The following OTUD7A variants were observed in gnomAD, a reference collection of about 807,000 sequenced individuals.
OTUD7A encodes OTU domain-containing protein 7A.
Under a neutral mutation model 65.7 loss-of-function variants are expected in OTUD7A, and 12 were observed. The ratio of observed to expected loss-of-function variants is 0.18; its 90% CI spans 0.12 to 0.30. The LOEUF (loss-of-function observed/expected upper bound fraction) is 0.30, where lower values mean the gene tolerates loss of function less well. Ranked by LOEUF, OTUD7A falls within the 10% of genes least tolerant of loss-of-function variation. The pLI, the probability that OTUD7A is intolerant of heterozygous loss-of-function variation, is 1.00. For missense variants in OTUD7A, 1,148 were observed against 1,304.8 expected, an observed-to-expected ratio of 0.88 and a Z score of 1.85; for synonymous variants, 641 against 586.3, an observed-to-expected ratio of 1.09 and a Z score of -1.35.
At chr15:31,683,947 C>A (rs1004627398) in intron 1 of OTUD7A, among the ~76,000 whole-genome samples, 1 of 152,220 alleles carries the variant, frequency 6.6e-6, no homozygotes, top group African/African-American at 2.4e-5. Context: ...TGTCCACACT[C>A]CCCTGAGGAA....
At chr15:31,697,385 G>A (rs937283293) in intron 1 of OTUD7A, among the ~76,000 whole-genome samples, 1 of 144,194 alleles carries the variant, frequency 6.9e-6, no homozygotes, top group Admixed American at 7.0e-5. Flanking sequence ...CAATCACCCT[G>A]TTAATCTGTT....
rs1299534271 is a variant in OTUD7A, at chr15:31,631,860, C to T, written c.151+23236G>A. On this transcript the variant is annotated intron_variant, in intron 3 of 12. Coordinates refer to ENST00000307050, the MANE Select transcript of OTUD7A (RefSeq NM_001382637.1). The stretch of plus-strand genomic sequence containing the variant: ...CATTTCATCTTCCATCACTGATACC[C>T]TTTCTTCCAGTTGATTGCATCGGCT... 3.1e-4 allele frequency among the ~76,000 whole-genome samples: 47 copies of T among 152,196 alleles called. 1 individual carries two copies. Among genetic ancestry groups the T allele is most frequent in the Non-Finnish European group, 7.3e-5 (5 of 68,046 alleles).
chr15:31,592,057 C>T (rs188408742), intron 3 of OTUD7A, among the ~76,000 whole-genome samples: 125 of 152,296 alleles, frequency 8.2e-4, no homozygotes, highest in African/African-American at 2.8e-3. Context: ...TACACCTGCA[C>T]AGGGCACTTA....
chr15:31,864,577 C>G (rs559942224), intron 1 of OTUD7A, among the ~76,000 whole-genome samples: 1 of 152,182 alleles, frequency 6.6e-6, no homozygotes, highest in South Asian at 2.1e-4. Flanking sequence ...AAAGACCAGC[C>G]CCATGATTCA....
chr15:31,763,994 A>G (rs1357562369), intron 1 of OTUD7A, among the ~76,000 whole-genome samples: 3 of 152,212 alleles, frequency 2.0e-5, no homozygotes, highest in Non-Finnish European at 4.4e-5. Flanking sequence ...AATGAAGAGA[A>G]TTAGTCAATG....
intron 1 of OTUD7A, among the ~76,000 whole-genome samples, chr15:31,860,626 T>A (rs5005225): frequency 0.19 from 2,844 of 14,766 alleles, 59 homozygotes; most frequent in East Asian, 0.51. Context: ...AGTGGAGATA[T>A]ATATATATAT....
chr15:31,606,023 A>G (rs1324557172), intron 3 of OTUD7A, among the ~76,000 whole-genome samples: 1 of 152,192 alleles, frequency 6.6e-6, no homozygotes, highest in Non-Finnish European at 1.5e-5. Flanking sequence ...ATTATTAAAA[A>G]CAAACCTAAT....
chr15:31,819,405 T>G (rs1000216633), intron 1 of OTUD7A, among the ~76,000 whole-genome samples: 4 of 152,144 alleles, frequency 2.6e-5, no homozygotes, highest in Middle Eastern at 3.2e-3. Context: ...AAGTCTAAAA[T>G]TATCTAAAAA....
Position 31,569,954 on chromosome 15 carries a change from C to A in OTUD7A, c.331+64G>T. On this transcript the variant is annotated intron_variant, in intron 4 of 12. Coordinates refer to ENST00000307050, the MANE Select transcript of OTUD7A (RefSeq NM_001382637.1). ...CCCACCATTCTTTGTACCACGCAAC[C>A]CGCCTGCAAGCTGCGGTGCACTGGC... 1.9e-6 allele frequency: 3 copies of A among 1,574,444 alleles called. No homozygotes were observed. In the East Asian group the frequency reaches 6.7e-5, roughly 35 times the overall value.
chr15:31,481,241 T>C lies in OTUD7A; in HGVS notation c.*2053A>G, dbSNP rs1459711906. On this transcript the variant is annotated 3_prime_UTR_variant, in exon 13 of 13. Coordinates refer to ENST00000307050, the MANE Select transcript of OTUD7A (RefSeq NM_001382637.1). ...ATCTTGTGCATATGAGTTTGGTTTC[T>C]GAATGGATTATTGGAGCATTTTTAA... is the stretch of plus-strand genomic sequence containing the variant. 1 of 152,246 alleles carries C rather than the reference T, an allele frequency of 6.6e-6. No homozygotes were observed. Among genetic ancestry groups the C allele is most frequent in the African/African-American group, 2.4e-5 (1 of 41,460 alleles). The allele number at this position is 152,246 out of a possible 1,614,324, so 9.4% of individuals were successfully genotyped here.
chr15:31,553,773 A>G (rs1476143928), intron 5 of OTUD7A, among the ~76,000 whole-genome samples: 1 of 147,160 alleles, frequency 6.8e-6, no homozygotes, highest in Non-Finnish European at 1.5e-5. Flanking sequence ...CTGCACTACC[A>G]CCCCCACGAC....
Position 31,649,817 on chromosome 15 carries a change from A to G in OTUD7A, c.151+5279T>C, listed in dbSNP as rs1444624014. 5 of 419,954 alleles carry G rather than the reference A, an allele frequency of 1.2e-5. No homozygotes were observed. In the East Asian group the frequency reaches 3.0e-4, roughly 25 times the overall value. The allele number at this position is 419,954 out of a possible 1,614,324, so 26.0% of individuals were successfully genotyped here. A position where few individuals can be genotyped will look rare whatever the true frequency, so the allele number is the denominator to read the frequency against. Reference sequence around the variant, plus strand: ...GCGACCGGGCTCAGGAAGGTGGATCACAGTTGGAGGTGCTGATGCAGAAAG... The same window carrying G: ...GCGACCGGGCTCAGGAAGGTGGATCGCAGTTGGAGGTGCTGATGCAGAAAG... On this transcript the variant is annotated intron_variant, in intron 3 of 12. Coordinates refer to ENST00000307050, the MANE Select transcript of OTUD7A (RefSeq NM_001382637.1).
intron 1 of OTUD7A, among the ~76,000 whole-genome samples, chr15:31,798,013 T>C (rs1896017547): frequency 6.6e-6 from 1 of 152,166 alleles, no homozygotes; most frequent in Non-Finnish European, 1.5e-5. Flanking sequence ...CACTGCGTCT[T>C]CACATGGGCA....
chr15:31,756,135 G>A (rs1041961550), intron 1 of OTUD7A, among the ~76,000 whole-genome samples: 2 of 152,196 alleles, frequency 1.3e-5, no homozygotes, highest in Admixed American at 1.3e-4. Context: ...CAGCGCCTGT[G>A]GACACCTGCT....
intron 1 of OTUD7A, among the ~76,000 whole-genome samples, chr15:31,815,684 T>C (rs1359183960): frequency 6.6e-6 from 1 of 152,212 alleles, no homozygotes; most frequent in African/African-American, 2.4e-5. Context: ...GGCGGCAGGA[T>C]GGAGCCAGGC....
At chr15:31,731,128 T>A (rs939935927) in intron 1 of OTUD7A, among the ~76,000 whole-genome samples, 6 of 152,220 alleles carry the variant, frequency 3.9e-5, no homozygotes, top group African/African-American at 1.2e-4. Flanking sequence ...CTGTTTGATG[T>A]TTCAGTCAAA....
At chr15:31,870,137 C>T (rs1218668381) in intron 1 of OTUD7A, among the ~76,000 whole-genome samples, 10 of 149,920 alleles carry the variant, frequency 6.7e-5, no homozygotes, top group Non-Finnish European at 1.2e-4. Flanking sequence ...GGTCGGTCGC[C>T]CCACGCCTGG....
chr15:31,697,920 A>G (rs1893121685), intron 1 of OTUD7A, among the ~76,000 whole-genome samples: 1 of 152,204 alleles, frequency 6.6e-6, no homozygotes, highest in Non-Finnish European at 1.5e-5. Context: ...CAGCTCCTGA[A>G]GCCCCAGAGG....
Position 31,755,488 on chromosome 15 carries a change from G to A in OTUD7A, c.-99-98411C>T, listed in dbSNP as rs28590703. On this transcript the variant is annotated intron_variant, in intron 1 of 12. Transcript: ENST00000307050. ...TGTAATACCAGCACTTTGGGAGGCC[G>A]AGGTGGGTGGATCACGAGGTCAGGA... 5.7e-3 allele frequency among the ~76,000 whole-genome samples: 874 copies of A among 152,234 alleles called. 6 individuals carry two copies. The highest frequency in any genetic ancestry group is 0.02 in the African/African-American group (834 of 41,556).
Sources: gnomAD v4.1 joint callset for allele counts (sites outside exome capture counted in the v4.1 genomes callset) on GRCh38, gnomAD v4.1.1 for gene constraint, MANE v1.5 for transcripts, NCBI Gene and HGNC (gene_info 2026-07-23, HGNC 2026-07-21) for gene names.